Variants in CRAT observed in about 807,000 individuals in gnomAD.
The protein encoded by CRAT is carnitine O-acetyltransferase.
In CRAT, 66 loss-of-function variants were observed where a neutral mutation model predicts 73.7. That is an observed-to-expected ratio of 0.90 (90% CI 0.73 to 1.10). CRAT has a LOEUF of 1.10. CRAT is among the 50% of genes least tolerant of loss of function. The pLI is 0.00. For synonymous variants in CRAT, 321 were observed against 343.2 expected (o/e 0.94, Z 0.71); for missense variants, 745 against 846.9 (o/e 0.88, Z 1.49).
chr9:129,095,681 G>A (rs1221179590), intron 13 of CRAT, 69 bp from the exon 14 acceptor site: 5 of 1,495,000 alleles, frequency 3.3e-6, no homozygotes, highest in South Asian at 1.2e-5. Context: ...CAGGCTGCCT[G>A]TGCTTCCGCC....
Position 129,102,937 on chromosome 9 carries a change from G to A in CRAT, c.464+76C>T, listed in dbSNP as rs1847778734. 10 of 1,368,812 alleles carry A rather than the reference G, an allele frequency of 7.3e-6. No homozygotes were observed. In the Admixed American group the frequency reaches 1.7e-4, roughly 23 times the overall value. The allele number at this position is 1,368,812 out of a possible 1,614,324, so 84.8% of individuals were successfully genotyped here. A position where few individuals can be genotyped will look rare whatever the true frequency, so the allele number is the denominator to read the frequency against. On this transcript the variant is annotated intron_variant, in intron 4 of 13. Coordinates refer to ENST00000318080, the MANE Select transcript of CRAT (RefSeq NM_000755.5). Reference sequence around the variant, plus strand: ...GCCCAAGCTGGCATGCCGGGCCAGGGCTGGGGTCAGAGGTGGCTGTGGTAA... The same window carrying A: ...GCCCAAGCTGGCATGCCGGGCCAGGACTGGGGTCAGAGGTGGCTGTGGTAA...
intron 1 of CRAT, chr9:129,108,885 A>G (rs1848186441): frequency 7.7e-7 from 1 of 1,298,710 alleles, no homozygotes; most frequent in South Asian, 1.2e-5. Context: ...ACCTAGCCAG[A>G]GGCAGCCACT....
Position 129,110,693 on chromosome 9 carries a change from G to C in CRAT, c.-184C>G, listed in dbSNP as rs1588470408. Reference sequence around the variant, plus strand: ...CCACCCTCTGGGCCGAGCGGGCTGCGGGAAGGCACCCGGGGAGGAGGACTC... The same window carrying C: ...CCACCCTCTGGGCCGAGCGGGCTGCCGGAAGGCACCCGGGGAGGAGGACTC... On this transcript the variant is annotated 5_prime_UTR_variant, in exon 1 of 14. Transcript: ENST00000318080. This position sits in a 1 kb window ranked among gnomAD's most constrained non-coding sequence, Gnocchi z 5.3. 3 of 777,580 alleles carry C rather than the reference G, an allele frequency of 3.9e-6. No homozygotes were observed. The highest frequency in any genetic ancestry group is 7.9e-4 in the Middle Eastern group (2 of 2,526). The allele number at this position is 777,580 out of a possible 1,614,324, so 48.2% of individuals were successfully genotyped here. A position where few individuals can be genotyped will look rare whatever the true frequency, so the allele number is the denominator to read the frequency against.
intron 13 of CRAT, 100 bp from the exon 14 acceptor site, chr9:129,095,712 G>GGCA (rs1281097605): frequency 1.6e-6 from 2 of 1,256,806 alleles, no homozygotes; most frequent in African/African-American, 3.0e-5. Context: ...GCCCCTTGTG[G>GGCA]GCAGGGATCA....
At chr9:129,105,226 A>G (rs1847945704) in intron 2 of CRAT, among the ~76,000 whole-genome samples, 1 of 151,732 alleles carries the variant, frequency 6.6e-6, no homozygotes, top group Non-Finnish European at 1.5e-5. Flanking sequence ...TTCTCATCTT[A>G]CACATTCTCT....
chr9:129,101,080 A>T (rs1165952200), intron 6 of CRAT, among the ~76,000 whole-genome samples: 1 of 151,426 alleles, frequency 6.6e-6, no homozygotes, highest in African/African-American at 2.5e-5. Context: ...TTGGGGGCAC[A>T]GGGGGTGTGG....
At chr9:129,109,331 A>G in intron 1 of CRAT, 1 of 1,254,148 alleles carries the variant, frequency 8.0e-7, no homozygotes, top group Non-Finnish European at 1.1e-6. Flanking sequence ...CCATCAGTGG[A>G]TGGGACAGCC....
In CRAT at chr9:129,108,023, A is replaced by G. The variant is rs111827825; in HGVS notation, c.82T>C (p.Phe28Leu). The change falls in exon 2 of 14, where the codon TTC becomes CTC. Residue 28 changes from phenylalanine (F) to leucine (L), a missense_variant. Coordinates refer to ENST00000318080, the MANE Select transcript of CRAT (RefSeq NM_000755.5). ...GGCAGTGCATCCTGGTGTGCCTTGAAGCGGCTGGAAGCCTTCATCAAGGAG... is the reference window on the plus strand; with the variant it reads ...GGCAGTGCATCCTGGTGTGCCTTGAGGCGGCTGGAAGCCTTCATCAAGGAG... ...PFSLMKASSR[F>L]KAHQDALPRL... is the part of the protein sequence containing the mutation. 25 of 1,554,514 alleles carry G rather than the reference A, an allele frequency of 1.6e-5. No homozygotes were observed. The African/African-American group carries it at 1.8e-4, about 11-fold the overall frequency.
intron 6 of CRAT, among the ~76,000 whole-genome samples, chr9:129,101,249 A>G (rs556069341): frequency 2.0e-5 from 3 of 152,340 alleles, no homozygotes; most frequent in South Asian, 2.1e-4. Context: ...ATGTCTGCCC[A>G]TGGCTGTGCG....
Position 129,103,012 on chromosome 9 carries a change from C to T in CRAT, c.464+1G>A. The stretch of plus-strand genomic sequence containing the variant: ...GGCTGGGCAGGGGTGGGGATGCTCA[C>T]TTGTCAATCATGACCTTGAAATCCA... On this transcript the variant is annotated splice_donor_variant, in intron 4 of 13. Coordinates refer to ENST00000318080, the MANE Select transcript of CRAT (RefSeq NM_000755.5). LOFTEE classifies it high-confidence loss of function. This position sits in a 1 kb window ranked among gnomAD's most constrained non-coding sequence, Gnocchi z 4.6. 3 of 1,613,854 alleles carry T rather than the reference C, an allele frequency of 1.9e-6. No homozygotes were observed. Among genetic ancestry groups the T allele is most frequent in the African/African-American group, 1.3e-5 (1 of 75,024 alleles).
At chr9:129,101,447 C>T (rs1039091749) in intron 6 of CRAT, among the ~76,000 whole-genome samples, 1 of 152,196 alleles carries the variant, frequency 6.6e-6, no homozygotes, top group Non-Finnish European at 1.5e-5. Flanking sequence ...ACACTGTGTT[C>T]AAGGAGAAAG....
chr9:129,110,479 T>C lies in CRAT; in HGVS notation c.27+4A>G, dbSNP rs1320220670. On this transcript the variant is annotated splice_donor_region_variant and intron_variant, in intron 1 of 13. Transcript: ENST00000318080. The surrounding 1 kb of genome is among the most constrained non-coding windows in gnomAD (Gnocchi z 5.3). Reference sequence around the variant, plus strand: ...CCCTCAGGCCCGGGATCCGCCGCACTCACCACGGTCCTGGCAGCGAAGGCT... The same window carrying C: ...CCCTCAGGCCCGGGATCCGCCGCACCCACCACGGTCCTGGCAGCGAAGGCT... The C allele has an allele frequency of 1.3e-6, 2 of 1,583,894 alleles. No individual in the cohort carries two copies. Among genetic ancestry groups the C allele is most frequent in the East Asian group, 2.4e-5 (1 of 42,072 alleles).
At chr9:129,098,711 G>A (rs1255238492) in intron 8 of CRAT, 61 bp from the exon 9 acceptor site, 29 of 1,549,592 alleles carry the variant, frequency 1.9e-5, no homozygotes, top group Non-Finnish European at 2.3e-5. Flanking sequence ...GTCCATTCTG[G>A]GACCAGGGTG....
intron 1 of CRAT, chr9:129,108,479 CT>C: frequency 8.6e-7 from 1 of 1,164,630 alleles, no homozygotes; most frequent in Non-Finnish European, 1.1e-6. Context: ...TTCTCCCACC[CT>C]TTCCAGGTTG....
At position 129,106,460 on chromosome 9, in the gene CRAT, C is replaced by T. The variant is rs1222604601; in HGVS notation, c.291+1354G>A. Among the ~76,000 whole-genome samples the T allele has an allele frequency of 1.3e-5, 2 of 152,116 alleles. No homozygotes were observed. Among genetic ancestry groups the T allele is most frequent in the Admixed American group, 1.3e-4 (2 of 15,264 alleles). On this transcript the variant is annotated intron_variant, in intron 2 of 13. Transcript: ENST00000318080. The surrounding 1 kb of genome is among the most constrained non-coding windows in gnomAD (Gnocchi z 4.0). ...GAGACCCCGCAGGTATGGGTACTCC[C>T]CCAGCGAGAATCTGCCAGGTGGTGG...
chr9:129,097,211 C>G, intron 12 of CRAT, 39 bp downstream of exon 12: 1 of 1,510,588 alleles, frequency 6.6e-7, no homozygotes, highest in Non-Finnish European at 8.9e-7. Flanking sequence ...ATGGCTGACA[C>G]TAAGGGACAA....
Position 129,107,968 on chromosome 9 carries a change from G to T in CRAT, c.137C>A (p.Ser46Tyr). 1.2e-6 allele frequency: 2 copies of T among 1,605,584 alleles called. No homozygotes were observed. Among genetic ancestry groups the T allele is most frequent in the Non-Finnish European group, 1.7e-6 (2 of 1,177,908 alleles). ...PRLPVPPLQQSLDHYLKALQP... is the reference protein window; with the variant it reads ...PRLPVPPLQQYLDHYLKALQP... ...CAGCGCCTTCAGGTAGTGGTCCAGG[G>T]ACTGCTGGAGAGGGGGCACGGGCAG... is the stretch of plus-strand genomic sequence containing the variant. Residue 46 changes from serine (S) to tyrosine (Y), a missense_variant, in exon 2 of 14, where the codon TCC becomes TAC. Ser to Tyr is a moderately radical substitution (Grantham distance 144, BLOSUM62 -2). Transcript: ENST00000318080. The surrounding 1 kb of genome is among the most constrained non-coding windows in gnomAD (Gnocchi z 5.0).
rs1847270705 is a variant in CRAT at position 129,096,145 on chromosome 9, T to C, written c.1528-10A>G. The C allele has an allele frequency of 6.2e-7, 1 of 1,612,012 alleles. No individual in the cohort carries two copies. Among genetic ancestry groups the C allele is most frequent in the Non-Finnish European group, 8.5e-7 (1 of 1,179,972 alleles). On this transcript the variant is annotated splice_polypyrimidine_tract_variant and intron_variant, in intron 12 of 13. Transcript: ENST00000318080. ...CCTCCCCGCGGATGGCCTGTTGGGG[T>C]GGGAGAGCTGTCAGGAGCAGGGGCT...
chr9:129,097,643 A>G (rs1177450470), intron 11 of CRAT, among the ~76,000 whole-genome samples: 1 of 151,646 alleles, frequency 6.6e-6, no homozygotes, highest in Non-Finnish European at 1.5e-5. Context: ...CGGGAGGTGG[A>G]GGTTGCAGTG....
Sources: allele counts gnomAD v4.1 joint callset (sites outside exome capture counted in the v4.1 genomes callset), GRCh38; gene constraint gnomAD v4.1.1; non-coding constraint Gnocchi (gnomAD v3.1); transcripts MANE v1.5; gene names NCBI Gene and HGNC (gene_info 2026-07-23, HGNC 2026-07-21).